CSMD3: variants seen among roughly 807,000 people sequenced by gnomAD.
The protein encoded by CSMD3 is CUB and Sushi multiple domains 3, also known as CUB and sushi domain-containing protein 3.
In CSMD3, 177 loss-of-function variants were observed where a neutral mutation model predicts 435.2. That is an observed-to-expected ratio of 0.41 (90% CI 0.36 to 0.46). The LOEUF is 0.46. Among genes scored for constraint, CSMD3 ranks in the 20% least tolerant of loss-of-function variants. CSMD3 has a pLI of 0.34. For missense variants in CSMD3, 4,265 were observed against 4,504.6 expected, an observed-to-expected ratio of 0.95 and a Z score of 1.52; for synonymous variants, 1,656 against 1,520.5, an observed-to-expected ratio of 1.09 and a Z score of -2.07.
chr8:112,772,510 T>C (rs1484249636), intron 13 of CSMD3, among the ~76,000 whole-genome samples: 2 of 152,072 alleles, frequency 1.3e-5, no homozygotes. Flanking sequence ...CCAGGTATTG[T>C]CCAAGGTTTC....
At chr8:113,200,943 G>A (rs974666063) in intron 3 of CSMD3, among the ~76,000 whole-genome samples, 6 of 151,814 alleles carry the variant, frequency 4.0e-5, no homozygotes, top group Non-Finnish European at 7.4e-5. Context: ...AGAAAGTGCT[G>A]AGTAAGTGCT....
At chr8:113,176,161 CAAAG>C (rs929112417) in intron 3 of CSMD3, among the ~76,000 whole-genome samples, 2 of 152,138 alleles carry the variant, frequency 1.3e-5, no homozygotes, top group East Asian at 3.9e-4. Flanking sequence ...AAATGAAACT[CAAAG>C]AAGACAATTT....
intron 2 of CSMD3, among the ~76,000 whole-genome samples, chr8:113,281,507 T>C (rs1383710706): frequency 2.0e-5 from 3 of 151,906 alleles, no homozygotes; most frequent in South Asian, 4.1e-4. Flanking sequence ...GGTATCCATT[T>C]GTATGAAATG....
intron 16 of CSMD3, among the ~76,000 whole-genome samples, chr8:112,667,939 C>G (rs1283927110): frequency 6.6e-6 from 1 of 152,068 alleles, no homozygotes; most frequent in Non-Finnish European, 1.5e-5. Flanking sequence ...GCTCTAGACA[C>G]TATTTTACTC....
chr8:112,272,639 T>TTCTTGATCTAGACAATGTGAGTCTAGG (rs1434217070), intron 59 of CSMD3, among the ~76,000 whole-genome samples: 1 of 152,162 alleles, frequency 6.6e-6, no homozygotes, highest in African/African-American at 2.4e-5. Context: ...ATGCCTGAGT[T>TTCTTGATCTAGACAATGTGAGTCTAGG]TCTTGATCTA....
intron 27 of CSMD3, among the ~76,000 whole-genome samples, chr8:112,541,939 C>T (rs1401927016): frequency 1.3e-5 from 2 of 151,900 alleles, no homozygotes; most frequent in Non-Finnish European, 2.9e-5. Context: ...AAGGATCACA[C>T]ACAATGTCCA....
chr8:112,981,526 T>A (rs2085052779), intron 6 of CSMD3, among the ~76,000 whole-genome samples: 1 of 151,632 alleles, frequency 6.6e-6, no homozygotes, highest in South Asian at 2.1e-4. Context: ...GGATTTGCTG[T>A]CATTTATCAT....
At chr8:113,139,140 C>G (rs2091487512) in intron 4 of CSMD3, among the ~76,000 whole-genome samples, 1 of 150,354 alleles carries the variant, frequency 6.7e-6, no homozygotes, top group Non-Finnish European at 1.5e-5. Flanking sequence ...GACTGAAATA[C>G]AACATAAAAA....
chr8:112,345,789 AATT>A (rs1825607795), intron 41 of CSMD3, among the ~76,000 whole-genome samples: 1 of 152,168 alleles, frequency 6.6e-6, no homozygotes, highest in Non-Finnish European at 1.5e-5. Context: ...AATGTATACA[AATT>A]TCAAAACATC....
intron 3 of CSMD3, among the ~76,000 whole-genome samples, chr8:113,241,502 T>C (rs571662139): frequency 6.6e-6 from 1 of 151,962 alleles, no homozygotes; most frequent in South Asian, 2.1e-4. Flanking sequence ...AAAAAAACAT[T>C]ATATTGAACA....
intron 15 of CSMD3, among the ~76,000 whole-genome samples, chr8:112,684,621 C>T (rs1432823735): frequency 6.6e-6 from 1 of 152,044 alleles, no homozygotes; most frequent in Non-Finnish European, 1.5e-5. Flanking sequence ...TGTTATTAAT[C>T]CACTAAGGTT....
At chr8:112,574,958 A>T (rs1829825901) in intron 23 of CSMD3, among the ~76,000 whole-genome samples, 1 of 151,954 alleles carries the variant, frequency 6.6e-6, no homozygotes, top group African/African-American at 2.4e-5. Context: ...AATTACATTG[A>T]TGTCACCTAA....
intron 27 of CSMD3, among the ~76,000 whole-genome samples, chr8:112,532,961 T>G (rs1018617231): frequency 6.6e-6 from 1 of 152,092 alleles, no homozygotes; most frequent in African/African-American, 2.4e-5. Flanking sequence ...GGGAGGAGTA[T>G]GAAATCAAAA....
At position 112,766,410 on chromosome 8, in the gene CSMD3, G is replaced by A. The variant is rs1048848721; in HGVS notation, c.1972+33752C>T. Among the ~76,000 whole-genome samples the A allele has an allele frequency of 2.6e-5, 4 of 151,324 alleles. No individual in the cohort carries two copies. In the Admixed American group the frequency reaches 2.6e-4, roughly 10 times the overall value. ...ATTAATCTCTCTCTCATAATTTGCT[G>A]TGTCTTTCTTTATTTTTATATTTTC... On this transcript the variant is annotated intron_variant, in intron 13 of 70. Coordinates refer to ENST00000297405, the MANE Select transcript of CSMD3 (RefSeq NM_198123.2).
chr8:113,354,671 A>G (rs1461472212), intron 1 of CSMD3, among the ~76,000 whole-genome samples: 2 of 151,966 alleles, frequency 1.3e-5, no homozygotes, highest in African/African-American at 4.8e-5. Context: ...ACGGAGTCCA[A>G]CTCTGTTGCC....
At chr8:112,964,283 G>T (rs1050219769) in intron 7 of CSMD3, among the ~76,000 whole-genome samples, 1 of 151,958 alleles carries the variant, frequency 6.6e-6, no homozygotes, top group African/African-American at 2.4e-5. Context: ...ACTCTCTCAA[G>T]TGCGTATCTT....
In CSMD3 at chr8:112,559,116, G is replaced by A. The variant is rs558742823; in HGVS notation, c.4043-2162C>T. ...GAATTTGCTAAAAACTGAGATCCTG[G>A]GCTAAGAGCGACACTTGAGAAGTTA... On this transcript the variant is annotated intron_variant, in intron 24 of 70. Coordinates refer to ENST00000297405, the MANE Select transcript of CSMD3 (RefSeq NM_198123.2). 4.5e-4 allele frequency among the ~76,000 whole-genome samples: 69 copies of A among 151,822 alleles called. No individual in the cohort carries two copies. In the East Asian group the frequency reaches 0.013, roughly 28 times the overall value.
chr8:113,118,914 T>A (rs568846638), intron 4 of CSMD3, among the ~76,000 whole-genome samples: 10 of 152,130 alleles, frequency 6.6e-5, no homozygotes, highest in Non-Finnish European at 1.5e-4. Context: ...CTCTACTAGT[T>A]AAATGACAGG....
chr8:113,118,373 G>C (rs2090896798), intron 4 of CSMD3, among the ~76,000 whole-genome samples: 1 of 152,124 alleles, frequency 6.6e-6, no homozygotes, highest in African/African-American at 2.4e-5. Flanking sequence ...ACATTTATTT[G>C]AGAGGCAGTA....
Sources: allele counts gnomAD v4.1 joint callset (sites outside exome capture counted in the v4.1 genomes callset), GRCh38; gene constraint gnomAD v4.1.1; transcripts MANE v1.5; gene names NCBI Gene and HGNC (gene_info 2026-07-23, HGNC 2026-07-21).